Variants in TSKU observed in about 807,000 individuals in gnomAD.
The protein encoded by TSKU is tsukushi.
A neutral mutation model predicts 11.2 loss-of-function variants in TSKU; 4 were observed. The ratio of observed to expected loss-of-function variants is 0.36; its 90% CI spans 0.18 to 0.82. The LOEUF (loss-of-function observed/expected upper bound fraction) is 0.82, where lower values mean the gene tolerates loss of function less well. Among genes scored for constraint, TSKU ranks in the 40% least tolerant of loss-of-function variants. TSKU has a pLI of 0.50. For missense variants in TSKU, 407 were observed against 482.5 expected, an observed-to-expected ratio of 0.84 and a Z score of 1.47; for synonymous variants, 220 against 232.2, an observed-to-expected ratio of 0.95 and a Z score of 0.48.
At chr11:76,792,939 C>G (rs1944393792) in intron 1 of TSKU, among the ~76,000 whole-genome samples, 1 of 152,270 alleles carries the variant, frequency 6.6e-6, no homozygotes, top group Non-Finnish European at 1.5e-5. Context: ...TTTCTCTGCT[C>G]TAAAATGGGG....
intron 1 of TSKU, among the ~76,000 whole-genome samples, chr11:76,786,470 C>G (rs1343054743): frequency 6.6e-6 from 1 of 152,236 alleles, no homozygotes; most frequent in African/African-American, 2.4e-5. Flanking sequence ...GCAGGTGGCT[C>G]TAGAAGAGTC....
chr11:76,783,856 G>C (rs1274402288), intron 1 of TSKU, among the ~76,000 whole-genome samples: 1 of 152,190 alleles, frequency 6.6e-6, no homozygotes, highest in Non-Finnish European at 1.5e-5. Flanking sequence ...ACGTGTCTGG[G>C]CTGGGTGTCC....
rs769203769 is a variant in TSKU, at chr11:76,796,005, G to A, written c.389G>A (p.Ser130Asn). The A allele has an allele frequency of 6.2e-7, 1 of 1,613,902 alleles. No homozygotes were observed. Among genetic ancestry groups the A allele is most frequent in the Non-Finnish European group, 8.5e-7 (1 of 1,180,026 alleles). ...GCCCTGCCAGCCGAGAGCTTCACCA[G>A]CTCACCCCTGAGCGACGTGAACCTT... is the stretch of plus-strand genomic sequence containing the variant. ...LTALPAESFT[S>N]SPLSDVNLSH... Residue 130 changes from serine to asparagine, a missense_variant, in exon 2 of 2, where the codon AGC becomes AAC. Coordinates refer to ENST00000333090, the MANE Select transcript of TSKU (RefSeq NM_015516.4). This position sits in a 1 kb window ranked among gnomAD's most constrained non-coding sequence, Gnocchi z 4.1.
chr11:76,790,702 C>A lies in TSKU; in HGVS notation c.-8-4907C>A, dbSNP rs369165401. Among the ~76,000 whole-genome samples the A allele has an allele frequency of 1.3e-4, 20 of 152,294 alleles. No individual in the cohort carries two copies. In the East Asian group the frequency reaches 2.7e-3, roughly 21 times the overall value. ...CCATGATTGTGAGACCTTCCCCGGC[C>A]ACGTGGAATTGTTAAGTTCAATTAA... On this transcript the variant is annotated intron_variant, in intron 1 of 1. Transcript: ENST00000333090.
intron 1 of TSKU, among the ~76,000 whole-genome samples, chr11:76,795,340 C>T (rs1944424829): frequency 6.6e-6 from 1 of 152,234 alleles, no homozygotes; most frequent in African/African-American, 2.4e-5. Flanking sequence ...AGACCAGGCC[C>T]GCCTTCATCT....
At chr11:76,788,891 G>A (rs917128410) in intron 1 of TSKU, among the ~76,000 whole-genome samples, 10 of 152,186 alleles carry the variant, frequency 6.6e-5, no homozygotes, top group African/African-American at 1.7e-4. Context: ...GGTAACTCAC[G>A]GCAGAGAATT....
chr11:76,796,761 A>C lies in TSKU; in HGVS notation c.*83A>C. The C allele has an allele frequency of 2.6e-6, 3 of 1,136,778 alleles. No individual in the cohort carries two copies. The highest frequency in any genetic ancestry group is 2.4e-5 in the South Asian group (1 of 42,044). The allele number at this position is 1,136,778 out of a possible 1,614,324, so 70.4% of individuals were successfully genotyped here. ...CGAGTAACTTATGTTCAATGTGCCA[A>C]CACCAGTGGGGAGCCCGCAGGCCTA... is the stretch of plus-strand genomic sequence containing the variant. On this transcript the variant is annotated 3_prime_UTR_variant, in exon 2 of 2. Transcript: ENST00000333090. This position sits in a 1 kb window ranked among gnomAD's most constrained non-coding sequence, Gnocchi z 4.1.
chr11:76,795,526 A>T, intron 1 of TSKU, 83 bp from the exon 2 acceptor site: 1 of 1,495,898 alleles, frequency 6.7e-7, no homozygotes, highest in Non-Finnish European at 9.0e-7. Flanking sequence ...ACCTTCCAAC[A>T]GTGTCTAGAC....
rs201655392 is a variant in TSKU, at chr11:76,796,099, C to G, written c.483C>G (p.His161Gln). The change falls in exon 2 of 2, where the codon CAC (histidine) becomes CAG (glutamine). Residue 161 changes from histidine (H) to glutamine (Q), a missense_variant. His to Gln is a conservative substitution (Grantham distance 24). Transcript: ENST00000333090. This position sits in a 1 kb window ranked among gnomAD's most constrained non-coding sequence, Gnocchi z 4.1. The stretch of plus-strand genomic sequence containing the variant: ...CGCACAGTCAGGGCCGGGCACTACA[C>G]GTGGACCTCTCCCACAACCTCATTC... ...FTTHSQGRALHVDLSHNLIHR... is the reference protein window; with the variant it reads ...FTTHSQGRALQVDLSHNLIHR... 1.9e-6 allele frequency: 3 copies of G among 1,614,078 alleles called. No individual in the cohort carries two copies. Among genetic ancestry groups the G allele is most frequent in the Non-Finnish European group, 2.5e-6 (3 of 1,180,024 alleles).
Position 76,797,092 on chromosome 11 carries a change from C to T in TSKU, c.*414C>T, listed in dbSNP as rs1944464362. 5.5e-6 allele frequency: 1 copy of T among 180,370 alleles called. No individual in the cohort carries two copies. Among genetic ancestry groups the T allele is most frequent in the African/African-American group, 2.4e-5 (1 of 41,990 alleles). The allele number at this position is 180,370 out of a possible 1,614,324, so 11.2% of individuals were successfully genotyped here. On this transcript the variant is annotated 3_prime_UTR_variant, in exon 2 of 2. Transcript: ENST00000333090. Reference sequence around the variant, plus strand: ...CCCTTGGGCCCATGGCCCAGTCACTCAGGGGCGAGTTTCTTTTCTAACATA... The same window carrying T: ...CCCTTGGGCCCATGGCCCAGTCACTTAGGGGCGAGTTTCTTTTCTAACATA...
At chr11:76,789,375 A>C (rs956360266) in intron 1 of TSKU, among the ~76,000 whole-genome samples, 2 of 152,206 alleles carry the variant, frequency 1.3e-5, no homozygotes, top group South Asian at 2.1e-4. Flanking sequence ...AGAACCCAAG[A>C]GGTTTCTGAT....
At chr11:76,786,998 C>G (rs1002858077) in intron 1 of TSKU, among the ~76,000 whole-genome samples, 5 of 152,196 alleles carry the variant, frequency 3.3e-5, no homozygotes, top group Non-Finnish European at 5.9e-5. Context: ...AAATCACTCA[C>G]TGGGGACAGG....
intron 1 of TSKU, among the ~76,000 whole-genome samples, chr11:76,789,569 G>C (rs960994120): frequency 6.6e-6 from 1 of 152,192 alleles, no homozygotes; most frequent in Non-Finnish European, 1.5e-5. Context: ...CATGATTCAT[G>C]GCCCCTGCAC....
At chr11:76,795,054 C>T (rs74715866) in intron 1 of TSKU, among the ~76,000 whole-genome samples, 2,108 of 152,258 alleles carry the variant, frequency 0.014, 52 homozygotes, top group African/African-American at 0.048. Context: ...GGGTCAGATG[C>T]GACCATGCTG....
upstream of TSKU, chr11:76,782,393 C>G (rs1303112017): frequency 6.6e-6 from 1 of 151,950 alleles, no homozygotes; most frequent in Non-Finnish European, 1.5e-5. Context: ...AGACCAAAGC[C>G]TCTATCAACT....
chr11:76,793,387 G>A (rs1212049659), intron 1 of TSKU, among the ~76,000 whole-genome samples: 1 of 152,256 alleles, frequency 6.6e-6, no homozygotes, highest in African/African-American at 2.4e-5. Context: ...ACAAGGCTGA[G>A]GCTTAAAGAG....
At chr11:76,795,486 G>T in intron 1 of TSKU, 123 bp from the exon 2 acceptor site, 1 of 1,188,878 alleles carries the variant, frequency 8.4e-7, no homozygotes, top group Non-Finnish European at 1.2e-6. Flanking sequence ...AGTGTTCCAG[G>T]AAGCATTCCA....
intron 1 of TSKU, among the ~76,000 whole-genome samples, chr11:76,786,504 G>C (rs1944313905): frequency 6.6e-6 from 1 of 152,242 alleles, no homozygotes; most frequent in African/African-American, 2.4e-5. Context: ...CTAGAAAGCT[G>C]TCTCTGTGGG....
intron 1 of TSKU, 79 bp from the exon 2 acceptor site, chr11:76,795,530 T>G (rs1944427152): frequency 6.6e-7 from 1 of 1,519,966 alleles, no homozygotes; most frequent in Middle Eastern, 2.0e-4. Context: ...TCCAACAGTG[T>G]CTAGACTGGG....
Sources: allele counts gnomAD v4.1 joint callset (sites outside exome capture counted in the v4.1 genomes callset), GRCh38; gene constraint gnomAD v4.1.1; non-coding constraint Gnocchi (gnomAD v3.1); transcripts MANE v1.5; gene names NCBI Gene and HGNC (gene_info 2026-07-23, HGNC 2026-07-21).